Variants in JAZF1 observed in about 807,000 individuals in gnomAD.
JAZF1 encodes the protein juxtaposed with another zinc finger protein 1.
JAZF1 carries 8 observed loss-of-function variants against 26.4 expected under a neutral mutation model. The observed-to-expected ratio is 0.30, with a 90% CI of 0.18 to 0.55. The LOEUF is 0.55. Among genes scored for constraint, JAZF1 ranks in the 20% least tolerant of loss-of-function variants. JAZF1 has a pLI of 0.94. For missense variants in JAZF1, 199 were observed against 322.0 expected (o/e 0.62, Z 2.92); for synonymous variants, 126 against 122.3 (o/e 1.03, Z -0.20).
chr7:27,983,118 G>C (rs1294856685), intron 2 of JAZF1, among the ~76,000 whole-genome samples: 1 of 152,230 alleles, frequency 6.6e-6, no homozygotes, highest in Non-Finnish European at 1.5e-5. Flanking sequence ...GAGAGAAGAA[G>C]GCTTCAGATG....
chr7:28,146,177 T>A (rs974424342), intron 1 of JAZF1, among the ~76,000 whole-genome samples: 41 of 152,300 alleles, frequency 2.7e-4, no homozygotes, highest in East Asian at 7.7e-4. Context: ...AACAAGAATT[T>A]AAACAAAGAG....
intron 1 of JAZF1, among the ~76,000 whole-genome samples, chr7:28,151,108 TA>T (rs57251638): frequency 0.25 from 19,447 of 76,810 alleles, 1,684 homozygotes; most frequent in East Asian, 0.52. Flanking sequence ...TATATATATA[TA>T]TATTTTTTTT....
At chr7:28,133,306 A>C (rs1420896645) in intron 1 of JAZF1, among the ~76,000 whole-genome samples, 2 of 152,248 alleles carry the variant, frequency 1.3e-5, no homozygotes, top group Non-Finnish European at 2.9e-5. Context: ...AAGAGGAAGA[A>C]AGGTAAAATT....
chr7:27,844,580 A>G (rs1025130014), intron 3 of JAZF1: 1 of 152,266 alleles, frequency 6.6e-6, no homozygotes, highest in Non-Finnish European at 1.5e-5. Context: ...ATGTGTGTGA[A>G]TATTTTTATT....
chr7:28,010,077 C>T (rs1304268994), intron 1 of JAZF1, among the ~76,000 whole-genome samples: 2 of 148,212 alleles, frequency 1.3e-5, no homozygotes, highest in East Asian at 2.0e-4. Flanking sequence ...AACTTCTTCC[C>T]GTCCTCTGCA....
At chr7:27,853,680 C>T (rs1783192465) in intron 3 of JAZF1, among the ~76,000 whole-genome samples, 2 of 152,160 alleles carry the variant, frequency 1.3e-5, no homozygotes, top group Non-Finnish European at 2.9e-5. Context: ...TGTAGTTGTA[C>T]AGTTTTGAGT....
intron 1 of JAZF1, among the ~76,000 whole-genome samples, chr7:28,066,961 T>A (rs892882744): frequency 1.3e-5 from 2 of 152,158 alleles, no homozygotes; most frequent in African/African-American, 4.8e-5. Flanking sequence ...AGCAGGTACC[T>A]CCAGCATCTT....
At chr7:28,019,811 T>C (rs1229277668) in intron 1 of JAZF1, among the ~76,000 whole-genome samples, 2 of 152,132 alleles carry the variant, frequency 1.3e-5, no homozygotes, top group South Asian at 2.1e-4. Context: ...CCCAGGCTTT[T>C]GGGGGTCACA....
chr7:28,036,724 T>C (rs62449882), intron 1 of JAZF1, among the ~76,000 whole-genome samples: 83,183 of 152,050 alleles, frequency 0.55, 24,364 homozygotes, highest in Non-Finnish European at 0.67. Flanking sequence ...TTACCTCCCT[T>C]TATTAGACAC....
intron 2 of JAZF1, among the ~76,000 whole-genome samples, chr7:27,947,977 CT>C (rs141983526): frequency 0.015 from 2,279 of 152,270 alleles, 66 homozygotes; most frequent in African/African-American, 0.053. Flanking sequence ...ACACTTAGGT[CT>C]TTTGGTCAAT....
chr7:28,120,788 T>G (rs1192455124), intron 1 of JAZF1, among the ~76,000 whole-genome samples: 1 of 152,102 alleles, frequency 6.6e-6, no homozygotes, highest in Non-Finnish European at 1.5e-5. Context: ...TACTCTCTTT[T>G]CAATCCTCCA....
chr7:27,918,638 CAG>C (rs1303308879), intron 2 of JAZF1, among the ~76,000 whole-genome samples: 1 of 152,124 alleles, frequency 6.6e-6, no homozygotes, highest in African/African-American at 2.4e-5. Flanking sequence ...CATATTGCTG[CAG>C]AGTTATACAG....
At chr7:28,166,251 C>A (rs1206656908) in intron 1 of JAZF1, among the ~76,000 whole-genome samples, 1 of 152,156 alleles carries the variant, frequency 6.6e-6, no homozygotes, top group Non-Finnish European at 1.5e-5. Flanking sequence ...GTGATGTTGA[C>A]AAAGATTGTT....
At chr7:27,852,460 C>G (rs1002400724) in intron 3 of JAZF1, among the ~76,000 whole-genome samples, 1 of 152,112 alleles carries the variant, frequency 6.6e-6, no homozygotes, top group African/African-American at 2.4e-5. Context: ...TGCCTTCAGT[C>G]TAATTACTAG....
intron 2 of JAZF1, among the ~76,000 whole-genome samples, chr7:27,901,902 T>C (rs1784166614): frequency 6.6e-6 from 1 of 152,226 alleles, no homozygotes; most frequent in Non-Finnish European, 1.5e-5. Context: ...GCAGTATTTT[T>C]CAAACTTTGT....
chr7:28,158,773 G>C (rs912332447), intron 1 of JAZF1, among the ~76,000 whole-genome samples: 3 of 152,190 alleles, frequency 2.0e-5, no homozygotes, highest in Middle Eastern at 3.2e-3. Context: ...GTCCTCTGTA[G>C]AAGCAGTCCT....
chr7:28,160,728 TCAGAAACTTCAGCATGA>T, intron 1 of JAZF1, among the ~76,000 whole-genome samples: 1 of 152,282 alleles, frequency 6.6e-6, no homozygotes, highest in East Asian at 1.9e-4. Flanking sequence ...AGCTCCATAG[TCAGAAACTTCAGCATGA>T]CAGTACCTCA....
intron 1 of JAZF1, among the ~76,000 whole-genome samples, chr7:27,995,551 C>A (rs1162592443): frequency 1.3e-5 from 2 of 152,158 alleles, no homozygotes; most frequent in Admixed American, 6.5e-5. Context: ...TCACAGATTT[C>A]AGGTTGACTG....
intron 1 of JAZF1, among the ~76,000 whole-genome samples, chr7:28,056,021 TTC>T (rs760285181): frequency 1.3e-5 from 2 of 152,174 alleles, no homozygotes; most frequent in Admixed American, 6.5e-5. Flanking sequence ...TAGTAGCCTG[TTC>T]TCTCTTTCTG....
Sources: allele counts gnomAD v4.1 joint callset (sites outside exome capture counted in the v4.1 genomes callset), GRCh38; gene constraint gnomAD v4.1.1; transcripts MANE v1.5; gene names NCBI Gene and HGNC (gene_info 2026-07-23, HGNC 2026-07-21).